Variants in LRIG2 observed in about 807,000 individuals in gnomAD.
The protein encoded by LRIG2 is leucine-rich repeats and immunoglobulin-like domains protein 2.
Under a neutral mutation model 107.8 loss-of-function variants are expected in LRIG2, and 93 were observed. That is an observed-to-expected ratio of 0.86 (90% CI 0.73 to 1.03). LRIG2 has a LOEUF of 1.03. Among genes scored for constraint, LRIG2 ranks in the 50% least tolerant of loss-of-function variants. The probability of loss-of-function intolerance (pLI) is 0.00; values close to 1 mark genes in which losing one functional copy is unlikely to be tolerated. For missense variants in LRIG2, 1,226 were observed against 1,296.0 expected (o/e 0.95, Z 0.83); for synonymous variants, 471 against 470.6 (o/e 1.00, Z -0.01).
chr1:113,086,379 C>T (rs1020488360), intron 1 of LRIG2, among the ~76,000 whole-genome samples: 4 of 152,172 alleles, frequency 2.6e-5, no homozygotes, highest in South Asian at 2.1e-4. Flanking sequence ...CAAAAGGAAG[C>T]GTAAATTATG....
chr1:113,117,242 G>A (rs1457720000), intron 16 of LRIG2, among the ~76,000 whole-genome samples: 1 of 152,126 alleles, frequency 6.6e-6, no homozygotes, highest in African/African-American at 2.4e-5. Flanking sequence ...TGACCATGAA[G>A]CTAGTTACTT....
At chr1:113,123,727 TTGTG>T (rs66524955) in intron 17 of LRIG2, 144 bp from the exon 18 acceptor site, 343 of 596,716 alleles carry the variant, frequency 5.7e-4, no homozygotes, top group African/African-American at 1.1e-3. Flanking sequence ...GTGGTGGTTT[TTGTG>T]TGTGTGTGTG....
intron 16 of LRIG2, among the ~76,000 whole-genome samples, chr1:113,116,960 T>G (rs1174340600): frequency 6.6e-6 from 1 of 152,212 alleles, no homozygotes; most frequent in African/African-American, 2.4e-5. Flanking sequence ...TACTCTAGCC[T>G]GGACAACATA....
In LRIG2 at chr1:113,114,672, C is replaced by T. The variant is rs755233335; in HGVS notation, c.2326C>T (p.Arg776Cys). The T allele has an allele frequency of 3.0e-5, 49 of 1,613,968 alleles. No homozygotes were observed. Among genetic ancestry groups the T allele is most frequent in the Non-Finnish European group, 3.7e-5 (44 of 1,180,030 alleles). Reference protein sequence around the residue: ...CIMSNTLGTERGHIYLNVISS... With the variant: ...CIMSNTLGTECGHIYLNVISS... ...TATGTCTAACACCCTTGGGACAGAACGTGGCCACATTTACCTAAATGTCAT... is the reference window on the plus strand; with the variant it reads ...TATGTCTAACACCCTTGGGACAGAATGTGGCCACATTTACCTAAATGTCAT... Residue 776 changes from arginine (R) to cysteine (C), a missense_variant, in exon 15 of 18, where the codon CGT becomes TGT. Arg to Cys is a radical substitution (Grantham distance 180). Around this residue, in one of 3 missense-constraint regions of LRIG2, gnomAD observed 642 missense variants for 712.2 expected, o/e 0.90. Coordinates refer to ENST00000361127, the MANE Select transcript of LRIG2 (RefSeq NM_014813.3).
chr1:113,112,815 C>T, intron 14 of LRIG2, 55 bp downstream of exon 14: 2 of 1,504,738 alleles, frequency 1.3e-6, no homozygotes, highest in South Asian at 2.7e-5. Context: ...GGGAGCTACT[C>T]TTGGTCTTAA....
At chr1:113,083,175 G>A (rs1218402326) in intron 1 of LRIG2, among the ~76,000 whole-genome samples, 1 of 150,160 alleles carries the variant, frequency 6.7e-6, no homozygotes, top group Non-Finnish European at 1.5e-5. Flanking sequence ...CCTTCTAATT[G>A]CTGGCATTAT....
At chr1:113,117,125 C>T (rs1470453786) in intron 16 of LRIG2, among the ~76,000 whole-genome samples, 1 of 152,174 alleles carries the variant, frequency 6.6e-6, no homozygotes, top group Non-Finnish European at 1.5e-5. Context: ...AGTTCTTCTC[C>T]CTCCACCCTT....
chr1:113,114,659 C>T lies in LRIG2; in HGVS notation c.2313C>T (p.Thr771=), dbSNP rs756409040. 8.1e-6 allele frequency: 13 copies of T among 1,613,938 alleles called. No homozygotes were observed. In the Admixed American group the frequency reaches 2.2e-4, roughly 27 times the overall value. ...AGKYTCIMSN[T]LGTERGHIYL... Reference sequence around the variant, plus strand: ...AATATACCTGCATTATGTCTAACACCCTTGGGACAGAACGTGGCCACATTT... The same window carrying T: ...AATATACCTGCATTATGTCTAACACTCTTGGGACAGAACGTGGCCACATTT... The change falls in exon 15 of 18, where the codon ACC becomes ACT. Residue 771 remains threonine (T), a synonymous_variant. Transcript: ENST00000361127.
intron 1 of LRIG2, among the ~76,000 whole-genome samples, chr1:113,075,423 T>C (rs1652931125): frequency 6.6e-6 from 1 of 152,222 alleles, no homozygotes; most frequent in Admixed American, 6.5e-5. Context: ...TCAAATCTTT[T>C]AGTAAACATA....
intron 17 of LRIG2, among the ~76,000 whole-genome samples, chr1:113,122,238 A>G (rs1238249710): frequency 6.6e-6 from 1 of 151,896 alleles, no homozygotes; most frequent in East Asian, 1.9e-4. Context: ...GCCAACCACC[A>G]TGCTTGGCTA....
intron 1 of LRIG2, among the ~76,000 whole-genome samples, chr1:113,083,705 G>A (rs1221368634): frequency 6.6e-6 from 1 of 151,550 alleles, no homozygotes; most frequent in Non-Finnish European, 1.5e-5. Context: ...CTGCCCATCA[G>A]GCTTTGGGTT....
chr1:113,080,440 C>T (rs1015698893), intron 1 of LRIG2, among the ~76,000 whole-genome samples: 6 of 151,896 alleles, frequency 4.0e-5, no homozygotes, highest in Non-Finnish European at 7.4e-5. Flanking sequence ...AGTGCAGTGG[C>T]GCAATCTCGG....
At chr1:113,082,881 C>G (rs992495129) in intron 1 of LRIG2, among the ~76,000 whole-genome samples, 1 of 151,972 alleles carries the variant, frequency 6.6e-6, no homozygotes, top group Non-Finnish European at 1.5e-5. Context: ...GTCTCAAACT[C>G]CTGACCTCAG....
intron 6 of LRIG2, among the ~76,000 whole-genome samples, chr1:113,095,290 T>C (rs1053643963): frequency 4.7e-5 from 7 of 148,872 alleles, no homozygotes; most frequent in African/African-American, 1.7e-4. Flanking sequence ...ATATTCTTAA[T>C]GTTTTGGCTA....
intron 1 of LRIG2, among the ~76,000 whole-genome samples, chr1:113,081,897 G>T (rs1002336296): frequency 2.0e-5 from 3 of 152,192 alleles, no homozygotes; most frequent in African/African-American, 7.2e-5. Flanking sequence ...GTAATAGAAA[G>T]ATTATCTTTT....
chr1:113,119,498 A>G lies in LRIG2; in HGVS notation c.2946A>G (p.Lys982=). 1.2e-6 allele frequency: 2 copies of G among 1,614,010 alleles called. No homozygotes were observed. The highest frequency in any genetic ancestry group is 2.2e-5 in the East Asian group (1 of 44,874). ...PTNHERISEK[K]LPSTQMSGET... The stretch of plus-strand genomic sequence containing the variant: ...ACCATGAGAGGATAAGTGAGAAGAA[A>G]CTTCCCTCCACACAGATGAGCGGTG... Residue 982 remains lysine (K), a synonymous_variant, in exon 17 of 18, where the codon AAA becomes AAG. Coordinates refer to ENST00000361127, the MANE Select transcript of LRIG2 (RefSeq NM_014813.3).
At chr1:113,099,649 T>G (rs1263173095) in intron 9 of LRIG2, among the ~76,000 whole-genome samples, 1 of 152,200 alleles carries the variant, frequency 6.6e-6, no homozygotes, top group Non-Finnish European at 1.5e-5. Flanking sequence ...AGAATTTCTA[T>G]TCAAGTAAAA....
chr1:113,117,496 G>A (rs1266507315), intron 16 of LRIG2, among the ~76,000 whole-genome samples: 2 of 151,316 alleles, frequency 1.3e-5, no homozygotes, highest in Middle Eastern at 3.2e-3. Flanking sequence ...TCTTTTTTTT[G>A]TTTTTGAGAA....
intron 11 of LRIG2, chr1:113,103,542 T>G (rs551234850): frequency 3.3e-5 from 5 of 152,442 alleles, no homozygotes; most frequent in Admixed American, 2.0e-4. Context: ...TCTATTGAGA[T>G]GATCCTGAAT....
Sources: gnomAD v4.1 joint callset for allele counts (sites outside exome capture counted in the v4.1 genomes callset) on GRCh38, gnomAD v4.1.1 for gene constraint, gnomAD v4.1.1 regional missense constraint, MANE v1.5 for transcripts, NCBI Gene and HGNC (gene_info 2026-07-23, HGNC 2026-07-21) for gene names.